Variants in UBXN10 observed in about 807,000 individuals in gnomAD.
UBXN10 encodes UBX domain protein 10.
In UBXN10, 6 loss-of-function variants were observed where a neutral mutation model predicts 6.9. That is an observed-to-expected ratio of 0.87 (90% confidence interval 0.48 to 1.72). The LOEUF (loss-of-function observed/expected upper bound fraction) is 1.72, where lower values mean the gene tolerates loss of function less well. UBXN10 is among the 40% of genes most tolerant of loss of function. The probability of loss-of-function intolerance (pLI) is 0.01; values close to 1 mark genes in which losing one functional copy is unlikely to be tolerated. For missense variants in UBXN10, 317 were observed against 348.4 expected, an observed-to-expected ratio of 0.91 and a Z score of 0.72; for synonymous variants, 131 against 135.2, an observed-to-expected ratio of 0.97 and a Z score of 0.21.
Position 20,190,942 on chromosome 1 carries a change from G to A in UBXN10, c.381G>A (p.Glu127=), listed in dbSNP as rs765893798. The A allele has an allele frequency of 6.2e-7, 1 of 1,614,156 alleles. No individual in the cohort carries two copies. Among genetic ancestry groups the A allele is most frequent in the South Asian group, 1.1e-5 (1 of 91,080 alleles). ...CCATCAACAGAAAGAACCTGGAGGA[G>A]GAGGCTGTGGAAACCGTTGCCAAAA... ...LPSINRKNLE[E]EAVETVAKKA... Residue 127 remains glutamate, a synonymous_variant, in exon 2 of 2, where the codon GAG becomes GAA. Coordinates refer to ENST00000375099, the MANE Select transcript of UBXN10 (RefSeq NM_152376.5).
At chr1:20,189,064 T>C (rs961253147) in intron 1 of UBXN10, among the ~76,000 whole-genome samples, 7 of 152,068 alleles carry the variant, frequency 4.6e-5, no homozygotes, top group African/African-American at 1.7e-4. Flanking sequence ...GCTAATTTGA[T>C]AGATGAGGAA....
chr1:20,188,020 C>T (rs547809681), intron 1 of UBXN10, among the ~76,000 whole-genome samples: 3 of 152,134 alleles, frequency 2.0e-5, no homozygotes, highest in East Asian at 1.9e-4. Flanking sequence ...GAGGGTGGGC[C>T]GAGAGGGGCG....
At chr1:20,188,597 C>T (rs1014164459) in intron 1 of UBXN10, among the ~76,000 whole-genome samples, 2 of 152,180 alleles carry the variant, frequency 1.3e-5, no homozygotes, top group African/African-American at 4.8e-5. Flanking sequence ...AAGTGCAAAT[C>T]ATTCTGCAGG....
upstream of UBXN10, among the ~76,000 whole-genome samples, chr1:20,185,738 A>T (rs2018362135): frequency 6.6e-6 from 1 of 152,176 alleles, no homozygotes; most frequent in Admixed American, 6.5e-5. Flanking sequence ...AACCAGGGAC[A>T]CTGAGAGGGT....
intron 1 of UBXN10, 65 bp from the exon 2 acceptor site, chr1:20,190,482 G>A: frequency 6.6e-7 from 1 of 1,517,878 alleles, no homozygotes; most frequent in South Asian, 1.3e-5. Flanking sequence ...GGGAGGGAAT[G>A]GCTTGGATCT....
chr1:20,191,109 C>T lies in UBXN10; in HGVS notation c.548C>T (p.Ser183Phe). Residue 183 changes from serine to phenylalanine, a missense_variant, in exon 2 of 2, where the codon TCT becomes TTT. Coordinates refer to ENST00000375099, the MANE Select transcript of UBXN10 (RefSeq NM_152376.5). This position sits in a 1 kb window ranked among gnomAD's most constrained non-coding sequence, Gnocchi z 4.5. ...KFIVRTKKQG[S>F]SRAGNLEEPS... ...ATCGTCCGAACCAAGAAACAGGGCT[C>T]TTCCAGGGCTGGAAATCTGGAGGAA... 2 of 1,614,192 alleles carry T rather than the reference C, an allele frequency of 1.2e-6. No individual in the cohort carries two copies. The highest frequency in any genetic ancestry group is 1.7e-6 in the Non-Finnish European group (2 of 1,180,036).
Position 20,192,640 on chromosome 1 carries a change from A to G in UBXN10, c.*1236A>G, listed in dbSNP as rs1481599415. On this transcript the variant is annotated 3_prime_UTR_variant, in exon 2 of 2. Transcript: ENST00000375099. ...CTTTTATGGCCAAATCATCCTTCAG[A>G]GTAGGGAACACTCAGACATTCTGTG... 1 of 167,102 alleles carries G rather than the reference A, an allele frequency of 6.0e-6. No homozygotes were observed. The highest frequency in any genetic ancestry group is 1.5e-5 in the Non-Finnish European group (1 of 68,134). 10.4% of individuals were successfully genotyped at this position (167,102 alleles called of 1,614,324 possible). A position where few individuals can be genotyped will look rare whatever the true frequency, so the allele number is the denominator to read the frequency against.
chr1:20,183,726 G>A (rs1050796904), upstream of UBXN10, among the ~76,000 whole-genome samples: 3 of 152,148 alleles, frequency 2.0e-5, no homozygotes, highest in Admixed American at 1.3e-4. Context: ...CAGTCATTTT[G>A]GCTTAACTTC....
At position 20,191,365 on chromosome 1, in the gene UBXN10, G is replaced by T; in HGVS notation, c.804G>T (p.Val268=). The T allele has an allele frequency of 6.2e-7, 1 of 1,612,812 alleles. No individual in the cohort carries two copies. The highest frequency in any genetic ancestry group is 8.5e-7 in the Non-Finnish European group (1 of 1,178,860). The change falls in exon 2 of 2, where the codon GTG becomes GTT. Residue 268 remains valine (V), a synonymous_variant. Transcript: ENST00000375099. This position sits in a 1 kb window ranked among gnomAD's most constrained non-coding sequence, Gnocchi z 4.5. ...AGTGCAGAATCCCCCACAAGTCTGT[G>T]CTGGGCATCTCACTGGAAGATGGGG... ...LQECRIPHKS[V]LGISLEDGEG...
rs147204836 is a variant in UBXN10 at position 20,191,307 on chromosome 1, G to A, written c.746G>A (p.Arg249Lys). The A allele has an allele frequency of 6.9e-5, 111 of 1,614,074 alleles. No homozygotes were observed. Among genetic ancestry groups the A allele is most frequent in the Non-Finnish European group, 8.6e-5 (101 of 1,180,036 alleles). The change falls in exon 2 of 2, where the codon AGG becomes AAG. Residue 249 changes from arginine to lysine, a missense_variant. Coordinates refer to ENST00000375099, the MANE Select transcript of UBXN10 (RefSeq NM_152376.5). This position sits in a 1 kb window ranked among gnomAD's most constrained non-coding sequence, Gnocchi z 4.5. ...ATTGAAACAATGGAGGTGCCCAGGA[G>A]GCGATTTTCTGACCTCACCAAATCT... ...CSIETMEVPR[R>K]RFSDLTKSLQ... is the part of the protein sequence containing the mutation.
chr1:20,189,581 G>A (rs2018455761), intron 1 of UBXN10, among the ~76,000 whole-genome samples: 1 of 152,100 alleles, frequency 6.6e-6, no homozygotes, highest in Non-Finnish European at 1.5e-5. Context: ...GCCCCAGGGT[G>A]CCTATCGGGT....
At position 20,191,351 on chromosome 1, in the gene UBXN10, C is replaced by T. The variant is rs1182936763; in HGVS notation, c.790C>T (p.Pro264Ser). The T allele has an allele frequency of 1.2e-6, 2 of 1,614,082 alleles. No homozygotes were observed. The highest frequency in any genetic ancestry group is 1.7e-5 in the Admixed American group (1 of 60,026). ...LTKSLQECRI[P>S]HKSVLGISLE... ...CAAATCTCTGCAAGAGTGCAGAATC[C>T]CCCACAAGTCTGTGCTGGGCATCTC... The change falls in exon 2 of 2, where the codon CCC (proline) becomes TCC (serine). Residue 264 changes from proline to serine, a missense_variant. Transcript: ENST00000375099. The surrounding 1 kb of genome is among the most constrained non-coding windows in gnomAD (Gnocchi z 4.5).
rs1394527249 is a variant in UBXN10, at chr1:20,193,687, C to T, written c.*2283C>T. The T allele has an allele frequency of 6.0e-6, 1 of 167,102 alleles. No individual in the cohort carries two copies. Among genetic ancestry groups the T allele is most frequent in the African/African-American group, 2.4e-5 (1 of 41,446 alleles). 10.4% of individuals were successfully genotyped at this position (167,102 alleles called of 1,614,324 possible). On this transcript the variant is annotated 3_prime_UTR_variant, in exon 2 of 2. Transcript: ENST00000375099. ...CTTCTGATGCCCACTGCAGAAGCGA[C>T]GGGGCTCCTGCTCTCAGCTTCTGTC...
At position 20,190,681 on chromosome 1, in the gene UBXN10, G is replaced by A. The variant is rs759939922; in HGVS notation, c.120G>A (p.Lys40=). Residue 40 remains lysine, a synonymous_variant, in exon 2 of 2, where the codon AAG becomes AAA. Coordinates refer to ENST00000375099, the MANE Select transcript of UBXN10 (RefSeq NM_152376.5). ...NSLNMHMIRP[K]SAKGRTRPSL... ...TAAATATGCACATGATAAGGCCCAA[G>A]TCCGCCAAGGGACGGACAAGACCGA... The A allele has an allele frequency of 6.2e-7, 1 of 1,614,190 alleles. No homozygotes were observed. Among genetic ancestry groups the A allele is most frequent in the South Asian group, 1.1e-5 (1 of 91,084 alleles).
At chr1:20,190,468 C>T (rs1416787796) in intron 1 of UBXN10, 79 bp from the exon 2 acceptor site, 7 of 1,501,424 alleles carry the variant, frequency 4.7e-6, no homozygotes, top group Admixed American at 2.2e-5. Context: ...ATTCTGGGCA[C>T]TCAGGGAGGG....
rs1219386334 is a variant in UBXN10 at position 20,195,095 on chromosome 1, T to C, written c.*3691T>C. 1 of 167,088 alleles carries C rather than the reference T, an allele frequency of 6.0e-6. No homozygotes were observed. The highest frequency in any genetic ancestry group is 1.5e-5 in the Non-Finnish European group (1 of 68,116). The allele number at this position is 167,088 out of a possible 1,614,324, so 10.4% of individuals were successfully genotyped here. A position where few individuals can be genotyped will look rare whatever the true frequency, so the allele number is the denominator to read the frequency against. The stretch of plus-strand genomic sequence containing the variant: ...ATAAAACTAAAATTAGGTGTTTTAT[T>C]TTTTGTCTACACGGGTGGCGTGCCA... On this transcript the variant is annotated 3_prime_UTR_variant, in exon 2 of 2. Transcript: ENST00000375099.
chr1:20,191,583 C>T lies in UBXN10; in HGVS notation c.*179C>T, dbSNP rs1455756657. ...GTGAAGTCTGTGCCTATGCCGAGCG[C>T]GCTAAGAAGTCTCCCTTCCAGCTGT... On this transcript the variant is annotated 3_prime_UTR_variant, in exon 2 of 2. Transcript: ENST00000375099. The surrounding 1 kb of genome is among the most constrained non-coding windows in gnomAD (Gnocchi z 4.5). 2.6e-5 allele frequency: 24 copies of T among 937,046 alleles called. No individual in the cohort carries two copies. The East Asian group carries it at 3.3e-4, about 13-fold the overall frequency. The allele number at this position is 937,046 out of a possible 1,614,324, so 58.0% of individuals were successfully genotyped here.
chr1:20,194,832 G>T lies in UBXN10; in HGVS notation c.*3428G>T, dbSNP rs537716232. The T allele has an allele frequency of 2.4e-5, 4 of 167,070 alleles. No homozygotes were observed. The allele number at this position is 167,070 out of a possible 1,614,324, so 10.3% of individuals were successfully genotyped here. A position where few individuals can be genotyped will look rare whatever the true frequency, so the allele number is the denominator to read the frequency against. Reference sequence around the variant, plus strand: ...ATAAAGAAGACAGCTATATTATTTTGCTTTAGCATTAGTTTAGAAGTCATT... The same window carrying T: ...ATAAAGAAGACAGCTATATTATTTTTCTTTAGCATTAGTTTAGAAGTCATT... On this transcript the variant is annotated 3_prime_UTR_variant, in exon 2 of 2. Coordinates refer to ENST00000375099, the MANE Select transcript of UBXN10 (RefSeq NM_152376.5).
chr1:20,190,556 G>A lies in UBXN10; in HGVS notation c.-6G>A. ...TTTCCTGCTTCCTTAGGGGTCTTGAGAAGCAATGGCCACAGAAGCCCCTGT... is the reference window on the plus strand; with the variant it reads ...TTTCCTGCTTCCTTAGGGGTCTTGAAAAGCAATGGCCACAGAAGCCCCTGT... On this transcript the variant is annotated 5_prime_UTR_variant, in exon 2 of 2. Transcript: ENST00000375099. The A allele has an allele frequency of 6.2e-7, 1 of 1,608,112 alleles. No individual in the cohort carries two copies. Among genetic ancestry groups the A allele is most frequent in the Admixed American group, 1.7e-5 (1 of 59,778 alleles).
Sources: allele counts gnomAD v4.1 joint callset (sites outside exome capture counted in the v4.1 genomes callset), GRCh38; gene constraint gnomAD v4.1.1; non-coding constraint Gnocchi (gnomAD v3.1); transcripts MANE v1.5; gene names NCBI Gene and HGNC (gene_info 2026-07-23, HGNC 2026-07-21).